The following KRT6A variants were observed in gnomAD, a reference collection of about 807,000 sequenced individuals.
The protein encoded by KRT6A is keratin 6A.
Under a neutral mutation model 48.6 loss-of-function variants are expected in KRT6A, and 28 were observed. The observed-to-expected ratio is 0.58, with a 90% CI of 0.43 to 0.79. The LOEUF is 0.79. Ranked by LOEUF, KRT6A falls within the 30% of genes least tolerant of loss-of-function variation. KRT6A has a pLI of 0.00. For synonymous variants in KRT6A, 301 were observed against 294.2 expected (o/e 1.02, Z -0.24); for missense variants, 687 against 724.3 (o/e 0.95, Z 0.59).
In KRT6A at chr12:52,491,638, C is replaced by A; in HGVS notation, c.639G>T (p.Leu213Phe). 1 of 1,614,210 alleles carries A rather than the reference C, an allele frequency of 6.2e-7. No homozygotes were observed. The highest frequency in any genetic ancestry group is 1.1e-5 in the South Asian group (1 of 91,084). The change falls in exon 2 of 9, where the codon TTG becomes TTT. Residue 213 changes from leucine to phenylalanine, a missense_variant. By Grantham distance (22) the Leu-to-Phe change is conservative. Transcript: ENST00000330722. ...TGAGGTTGTTGATGTACTGCTCGAA[C>A]AACGGCTCCAGGTTCTGCCTCACAG... ...TKTVRQNLEP[L>F]FEQYINNLRR...
In KRT6A at chr12:52,492,752, G is replaced by A; in HGVS notation, c.437C>T (p.Thr146Ile). 2 of 1,613,904 alleles carry A rather than the reference G, an allele frequency of 1.2e-6. No individual in the cohort carries two copies. The highest frequency in any genetic ancestry group is 8.5e-7 in the Non-Finnish European group (1 of 1,179,928). The change falls in exon 1 of 9, where the codon ACT becomes ATT. Residue 146 changes from threonine (T) to isoleucine (I), a missense_variant. By Grantham distance (89) the Thr-to-Ile change is moderately conservative. This residue lies in a region of KRT6A where 566 missense variants were observed against 565.3 expected (regional missense o/e 1.00). Coordinates refer to ENST00000330722, the MANE Select transcript of KRT6A (RefSeq NM_005554.4). The part of the protein sequence containing the change: ...QEVTVNQSLL[T>I]PLNLQIDPTI... ...GGGATCGATTTGCAGGTTGAGGGGA[G>A]TCAGGAGACTCTGGTTGACGGTGAC... is the stretch of plus-strand genomic sequence containing the variant.
At chr12:52,489,766 A>G in intron 6 of KRT6A, 177 bp downstream of exon 6, 1 of 1,038,914 alleles carries the variant, frequency 9.6e-7, no homozygotes, top group Non-Finnish European at 1.4e-6. Context: ...TGTTTGTGTC[A>G]TGCCATAGGT....
intron 6 of KRT6A, among the ~76,000 whole-genome samples, chr12:52,489,403 T>C (rs867200983): frequency 2.6e-5 from 4 of 152,098 alleles, no homozygotes; most frequent in African/African-American, 9.7e-5. Context: ...TTCAGTCTCC[T>C]GAGTAGCTGG....
At chr12:52,490,762 T>C (rs1490245286) in intron 4 of KRT6A, 29 bp from the exon 5 acceptor site, 1 of 1,614,104 alleles carries the variant, frequency 6.2e-7, no homozygotes, top group Admixed American at 1.7e-5. Context: ...TAAGATCAAC[T>C]TCACTTCCGA....
At position 52,488,339 on chromosome 12, in the gene KRT6A, A is replaced by G. The variant is rs1132960; in HGVS notation, c.1413T>C (p.Gly471=). The G allele has an allele frequency of 1.9e-5, 30 of 1,614,012 alleles. No individual in the cohort carries two copies. The highest frequency in any genetic ancestry group is 1.2e-4 in the Admixed American group (7 of 60,006). The part of the protein sequence containing the change: ...EIATYRKLLE[G]EECRLNGEGV... ...TGTCAGTTACCCACCTGCACTCCTC[A>G]CCCTCCAGCAGCTTGCGGTAGGTGG... is the stretch of plus-strand genomic sequence containing the variant. Residue 471 remains glycine, a synonymous_variant, in exon 7 of 9, where the codon GGT becomes GGC. Coordinates refer to ENST00000330722, the MANE Select transcript of KRT6A (RefSeq NM_005554.4).
Position 52,493,148 on chromosome 12 carries a change from C to A in KRT6A, c.41G>T (p.Ser14Ile), listed in dbSNP as rs1340135615. 2 of 1,613,912 alleles carry A rather than the reference C, an allele frequency of 1.2e-6. No homozygotes were observed. Among genetic ancestry groups the A allele is most frequent in the South Asian group, 2.2e-5 (2 of 91,050 alleles). The change falls in exon 1 of 9, where the codon AGC (serine) becomes ATC (isoleucine). Residue 14 changes from serine (S) to isoleucine (I), a missense_variant. Transcript: ENST00000330722. ...TSTTIRSHSS[S>I]RRGFSANSAR... ...TGAGTTGGCACTGAAACCCCGGCGG[C>A]TGCTGCTGTGGCTCCTGATGGTGGT... is the stretch of plus-strand genomic sequence containing the variant.
chr12:52,490,423 C>A (rs1174142838), intron 5 of KRT6A, 146 bp downstream of exon 5: 2 of 1,406,050 alleles, frequency 1.4e-6, no homozygotes, highest in African/African-American at 2.8e-5. Context: ...ATAAGTTCTG[C>A]AAATGTCTAC....
chr12:52,490,480 G>T lies in KRT6A; in HGVS notation c.1077+89C>A, dbSNP rs951835335. On this transcript the variant is annotated intron_variant, in intron 5 of 8. Transcript: ENST00000330722. ...TCCTGTGAGAGGACCCCAGCTTCCT[G>T]TCAGGGGATGTCCCCAGTAAAGTCT... is the stretch of plus-strand genomic sequence containing the variant. 156 of 1,597,856 alleles carry T rather than the reference G, an allele frequency of 9.8e-5. No homozygotes were observed. In the African/African-American group the frequency reaches 1.8e-3, roughly 18 times the overall value.
intron 8 of KRT6A, 41 bp downstream of exon 8, chr12:52,488,028 G>A (rs1938179578): frequency 6.2e-7 from 1 of 1,614,056 alleles, no homozygotes; most frequent in Admixed American, 1.7e-5. Flanking sequence ...CCAGTCAGAA[G>A]AGTGCGAGGG....
chr12:52,487,661 G>A lies in KRT6A; in HGVS notation c.*59C>T. The A allele has an allele frequency of 1.2e-6, 2 of 1,609,886 alleles. No homozygotes were observed. The highest frequency in any genetic ancestry group is 1.7e-5 in the Admixed American group (1 of 59,924). ...GGAGAGGAAAGGCAACCTGAGGAGA[G>A]GGCTCTGCAGCCAGAGAGGGGCCTG... is the stretch of plus-strand genomic sequence containing the variant. On this transcript the variant is annotated 3_prime_UTR_variant, in exon 9 of 9. Transcript: ENST00000330722.
chr12:52,488,388 T>C lies in KRT6A; in HGVS notation c.1364A>G (p.Lys455Arg). Residue 455 changes from lysine (K) to arginine (R), a missense_variant, in exon 7 of 9, where the codon AAG (lysine) becomes AGG (arginine). This residue lies in a region of KRT6A where 566 missense variants were observed against 565.3 expected (regional missense o/e 1.00). Coordinates refer to ENST00000330722, the MANE Select transcript of KRT6A (RefSeq NM_005554.4). ...LKEYQELMNV[K>R]LALDVEIATY... ...GGCGATCTCCACGTCCAGGGCCAGC[T>C]TGACATTCATCAGCTCCTGGTACTC... is the stretch of plus-strand genomic sequence containing the variant. 6.2e-7 allele frequency: 1 copy of C among 1,614,156 alleles called. No homozygotes were observed. The highest frequency in any genetic ancestry group is 8.5e-7 in the Non-Finnish European group (1 of 1,180,030).
At chr12:52,490,361 T>A in intron 5 of KRT6A, 1 of 973,328 alleles carries the variant, frequency 1.0e-6, no homozygotes, top group South Asian at 1.5e-5. Context: ...TATGTCCTTG[T>A]CTATGGTAGC....
At chr12:52,490,315 G>A (rs375293367) in intron 5 of KRT6A, 11 of 937,500 alleles carry the variant, frequency 1.2e-5, no homozygotes, top group African/African-American at 1.2e-4. Context: ...ATTTCTAAAA[G>A]CCAGCAATCA....
intron 6 of KRT6A, 130 bp downstream of exon 6, chr12:52,489,813 G>T: frequency 6.8e-7 from 1 of 1,475,308 alleles, no homozygotes; most frequent in East Asian, 2.4e-5. Flanking sequence ...TACCCACTAA[G>T]GGTAGGAAAT....
rs371708620 is a variant in KRT6A, at chr12:52,487,712, G to C, written c.*8C>G. On this transcript the variant is annotated 3_prime_UTR_variant, in exon 9 of 9. Transcript: ENST00000330722. The stretch of plus-strand genomic sequence containing the variant: ...AGGACTGTGGGACCGAGAGCTAGCA[G>C]ACGCACTTTAGTGCTTATAGCTCTT... The C allele has an allele frequency of 2.0e-5, 32 of 1,614,222 alleles. No individual in the cohort carries two copies. In the Admixed American group the frequency reaches 2.3e-4, roughly 12 times the overall value.
intron 5 of KRT6A, chr12:52,490,328 G>T: frequency 2.2e-6 from 2 of 920,940 alleles, no homozygotes; most frequent in Non-Finnish European, 3.3e-6. Flanking sequence ...AGCAATCAGG[G>T]TGAAGCTAAA....
rs1463381744 is a variant in KRT6A, at chr12:52,490,615, A to G, written c.1031T>C (p.Ile344Thr). The G allele has an allele frequency of 3.1e-6, 5 of 1,613,866 alleles. No homozygotes were observed. The highest frequency in any genetic ancestry group is 1.3e-5 in the African/African-American group (1 of 74,874). Residue 344 changes from isoleucine to threonine, a missense_variant, in exon 5 of 9, where the codon ATT becomes ACT. Physicochemically the swap from Ile to Thr is moderately conservative, Grantham distance 89 (BLOSUM62 -1). This residue lies in a region of KRT6A where 566 missense variants were observed against 565.3 expected (regional missense o/e 1.00). Coordinates refer to ENST00000330722, the MANE Select transcript of KRT6A (RefSeq NM_005554.4). ...IAEVKAQYEE[I>T]AQRSRAEAES... ...AGCCTCAGCCCGGCTTCTCTGAGCA[A>G]TCTCCTCATATTGGGCCTTGACCTC...
intron 6 of KRT6A, 138 bp downstream of exon 6, chr12:52,489,805 C>A: frequency 1.4e-6 from 2 of 1,397,532 alleles, no homozygotes; most frequent in Non-Finnish European, 9.9e-7. Flanking sequence ...GCAGCAGGTA[C>A]CCACTAAGGG....
rs188977354 is a variant in KRT6A at position 52,488,163 on chromosome 12, C to T, written c.1425-60G>A. ...GAGAGCTCTTCCTTCCCTGGACCAG[C>T]GTGGGCAGCCTCGGTGGGTGGAAGA... is the stretch of plus-strand genomic sequence containing the variant. On this transcript the variant is annotated intron_variant, in intron 7 of 8. Transcript: ENST00000330722. 4.5e-4 allele frequency: 722 copies of T among 1,613,866 alleles called. 5 individuals are homozygous for T. The South Asian group carries it at 5.5e-3, about 12-fold the overall frequency.
Sources: allele counts gnomAD v4.1 joint callset (sites outside exome capture counted in the v4.1 genomes callset), GRCh38; gene constraint gnomAD v4.1.1; regional missense constraint gnomAD v4.1.1; transcripts MANE v1.5; gene names NCBI Gene and HGNC (gene_info 2026-07-23, HGNC 2026-07-21).